ABHD12: variants seen among roughly 807,000 people sequenced by gnomAD.
ABHD12 encodes lysophosphatidylserine lipase ABHD12.
In ABHD12, 43 loss-of-function variants were observed where a neutral mutation model predicts 58.3. That is an observed-to-expected ratio of 0.74 (90% CI 0.58 to 0.95). The LOEUF is 0.95. ABHD12 is among the 40% of genes least tolerant of loss of function. The pLI, the probability that ABHD12 is intolerant of heterozygous loss-of-function variation, is 0.00. For missense variants in ABHD12, 539 were observed against 537.2 expected (o/e 1.00, Z -0.03); for synonymous variants, 219 against 211.2 (o/e 1.04, Z -0.32).
chr20:25,370,791 C>T (rs1004069202), intron 1 of ABHD12, among the ~76,000 whole-genome samples: 17 of 151,940 alleles, frequency 1.1e-4, no homozygotes, highest in African/African-American at 4.1e-4. Context: ...GAAACGGTAT[C>T]TGGTACACAG....
At chr20:25,310,079 C>G (rs1357395683) in intron 6 of ABHD12, 2 of 159,494 alleles carry the variant, frequency 1.3e-5, no homozygotes, top group Non-Finnish European at 2.8e-5. Flanking sequence ...CCATCCTCAG[C>G]TCTACACTTC....
chr20:25,314,866 G>A, intron 6 of ABHD12, 59 bp downstream of exon 6: 1 of 1,590,574 alleles, frequency 6.3e-7, no homozygotes, highest in Non-Finnish European at 8.6e-7. Flanking sequence ...GCCTGCCCAT[G>A]GGATACCGCC....
chr20:25,344,740 C>T (rs2089496371), intron 1 of ABHD12, among the ~76,000 whole-genome samples: 1 of 152,184 alleles, frequency 6.6e-6, no homozygotes, highest in Admixed American at 6.5e-5. Flanking sequence ...GGAGGACTGA[C>T]ACAAGCTGGC....
At chr20:25,299,972 A>G (rs1451865890), downstream of ABHD12, among the ~76,000 whole-genome samples, 1 of 152,088 alleles carries the variant, frequency 6.6e-6, no homozygotes, top group African/African-American at 2.4e-5. Context: ...AACCGCGAGG[A>G]CCTCTGGGCT....
intron 1 of ABHD12, among the ~76,000 whole-genome samples, chr20:25,361,668 A>C (rs1330622011): frequency 6.6e-6 from 1 of 152,182 alleles, no homozygotes; most frequent in Non-Finnish European, 1.5e-5. Context: ...AAAATCTTAC[A>C]CCTGGGACCG....
intron 1 of ABHD12, among the ~76,000 whole-genome samples, chr20:25,376,871 G>C (rs921027233): frequency 6.6e-6 from 1 of 152,192 alleles, no homozygotes; most frequent in Non-Finnish European, 1.5e-5. Context: ...CAATTATCCA[G>C]AGGGAGTTTC....
chr20:25,305,364 CCT>C (rs966164429), intron 10 of ABHD12, among the ~76,000 whole-genome samples: 3 of 141,042 alleles, frequency 2.1e-5, no homozygotes, highest in Non-Finnish European at 4.6e-5. Flanking sequence ...TTTTACTTTC[CCT>C]CTTTTTTTTT....
rs752622052 is a variant in ABHD12, at chr20:25,303,614, G to A, written c.965C>T (p.Ser322Phe). 12 of 1,613,820 alleles carry A rather than the reference G, an allele frequency of 7.4e-6. No homozygotes were observed. Among genetic ancestry groups the A allele is most frequent in the Non-Finnish European group, 1.0e-5 (12 of 1,180,002 alleles). The change falls in exon 11 of 13, where the codon TCC becomes TTC. Residue 322 changes from serine (S) to phenylalanine (F), a missense_variant. Transcript: ENST00000339157. ...FANDENVKHI[S>F]CPLLILHAED... ...AGCGTGCAGGATGAGCAGGGGACAG[G>A]AGATGTGCTTCACGCTGTAGGAGGG...
chr20:25,334,984 ACAG>A (rs1275881231), intron 2 of ABHD12, among the ~76,000 whole-genome samples: 1 of 152,180 alleles, frequency 6.6e-6, no homozygotes, highest in Non-Finnish European at 1.5e-5. Flanking sequence ...GAGCTTCTGC[ACAG>A]CAAAAGAAAC....
intron 12 of ABHD12, among the ~76,000 whole-genome samples, chr20:25,301,638 A>C (rs2088637280): frequency 6.6e-6 from 1 of 152,256 alleles, no homozygotes. Context: ...AGCAACCTGC[A>C]TAGGGCCCAG....
intron 1 of ABHD12, among the ~76,000 whole-genome samples, chr20:25,383,954 C>CAAAAAAAAAAAAAAAAA (rs1201588127): frequency 1.9e-5 from 1 of 53,374 alleles, no homozygotes; most frequent in Admixed American, 2.6e-4. Flanking sequence ...GACTCTTTCT[C>CAAAAAAAAAAAAAAAAA]AAAAAAAAAA....
intron 8 of ABHD12, 115 bp downstream of exon 8, chr20:25,308,342 C>G (rs774491567): frequency 1.4e-5 from 19 of 1,390,088 alleles, no homozygotes; most frequent in Non-Finnish European, 1.8e-5. Context: ...CCCGGGCCCC[C>G]CAGAATGTGC....
At chr20:25,302,032 G>A (rs564562574) in intron 12 of ABHD12, among the ~76,000 whole-genome samples, 187 bp downstream of exon 12, 1 of 152,336 alleles carries the variant, frequency 6.6e-6, no homozygotes, top group East Asian at 1.9e-4. Flanking sequence ...CATGTGAACA[G>A]TCCTGGAGCA....
Position 25,390,477 on chromosome 20 carries a change from G to A in ABHD12, c.191+36C>T, listed in dbSNP as rs6115166. The A allele has an allele frequency of 6.1e-5, 6 of 98,522 alleles. 2 individuals carry two copies. The highest frequency in any genetic ancestry group is 1.4e-3 in the East Asian group (2 of 1,414). The allele number at this position is 98,522 out of a possible 1,614,324, so 6.1% of individuals were successfully genotyped here. A position where few individuals can be genotyped will look rare whatever the true frequency, so the allele number is the denominator to read the frequency against. On this transcript the variant is annotated intron_variant, in intron 1 of 12. Transcript: ENST00000339157. ...CGCACCTGCGCAAAGTGAGGGACCG[G>A]CCCCCCCCCCCCCCCCGCTCCGCGC...
intron 8 of ABHD12, 51 bp from the exon 9 acceptor site, chr20:25,308,096 C>T (rs1384590957): frequency 3.9e-6 from 5 of 1,292,174 alleles, no homozygotes; most frequent in Non-Finnish European, 4.5e-6. Flanking sequence ...CAGCGACATA[C>T]ATGTGGCCTG....
At chr20:25,305,583 G>A (rs999588708) in intron 10 of ABHD12, among the ~76,000 whole-genome samples, 12 of 151,332 alleles carry the variant, frequency 7.9e-5, no homozygotes, top group African/African-American at 1.5e-4. Flanking sequence ...GGATGGTCTC[G>A]ATCTCCTGAC....
At chr20:25,295,640 G>A (rs1045434579), downstream of ABHD12, 1 of 1,614,108 alleles carries the variant, frequency 6.2e-7, no homozygotes, top group African/African-American at 1.3e-5. Flanking sequence ...CCTACATGCA[G>A]TGCCAGGCAC....
intron 1 of ABHD12, among the ~76,000 whole-genome samples, chr20:25,372,450 C>T (rs1235930105): frequency 6.6e-6 from 1 of 152,174 alleles, no homozygotes; most frequent in Non-Finnish European, 1.5e-5. Context: ...AGTGATCCTT[C>T]CATCTTGGCC....
At chr20:25,387,520 G>C (rs2090106951) in intron 1 of ABHD12, among the ~76,000 whole-genome samples, 1 of 147,084 alleles carries the variant, frequency 6.8e-6, no homozygotes, top group Non-Finnish European at 1.5e-5. Context: ...GGGAGGCCAG[G>C]AAGAAGGATC....
Sources: allele counts gnomAD v4.1 joint callset (sites outside exome capture counted in the v4.1 genomes callset), GRCh38; gene constraint gnomAD v4.1.1; transcripts MANE v1.5; gene names NCBI Gene and HGNC (gene_info 2026-07-23, HGNC 2026-07-21).